The following GLIS3 variants were observed in gnomAD, a reference collection of about 807,000 sequenced individuals.
GLIS3 encodes zinc finger protein GLIS3.
In GLIS3, 53 loss-of-function variants were observed where a neutral mutation model predicts 78.6. The ratio of observed to expected loss-of-function variants is 0.67; its 90% confidence interval spans 0.54 to 0.85. GLIS3 has a LOEUF of 0.85. GLIS3 is among the 40% of genes least tolerant of loss of function. GLIS3 has a pLI of 0.00. For missense variants in GLIS3, 1,703 were observed against 1,231.1 expected (o/e 1.38, Z -5.74); for synonymous variants, 684 against 509.9 (o/e 1.34, Z -4.60).
chr9:3,939,584 T>C (rs1366244722), intron 4 of GLIS3, among the ~76,000 whole-genome samples: 1 of 152,146 alleles, frequency 6.6e-6, no homozygotes, highest in Admixed American at 6.5e-5. Flanking sequence ...GAGGAAAATA[T>C]AGGCACCTAG....
At chr9:4,171,116 A>T (rs1350767025) in intron 2 of GLIS3, among the ~76,000 whole-genome samples, 1 of 152,198 alleles carries the variant, frequency 6.6e-6, no homozygotes, top group Non-Finnish European at 1.5e-5. Flanking sequence ...TATTTAGAAT[A>T]CCAGACATTC....
intron 4 of GLIS3, among the ~76,000 whole-genome samples, chr9:4,046,565 AATACG>A (rs1225462255): frequency 6.6e-6 from 1 of 152,202 alleles, no homozygotes; most frequent in Non-Finnish European, 1.5e-5. Context: ...CAATGAAGCT[AATACG>A]ATAAGTTGTA....
intron 1 of GLIS3, 24 bp downstream of exon 1, chr9:4,299,397 A>T (rs956076366): frequency 2.6e-5 from 4 of 152,314 alleles, no homozygotes; most frequent in Non-Finnish European, 4.4e-5. Context: ...GCCTGCGAGC[A>T]AAGTTCCTAT....
intron 2 of GLIS3, among the ~76,000 whole-genome samples, chr9:4,193,451 G>A (rs899021369): frequency 6.6e-6 from 1 of 152,202 alleles, no homozygotes; most frequent in Non-Finnish European, 1.5e-5. Flanking sequence ...TACAGAAAAG[G>A]TTTGCAGACT....
At chr9:4,426,883 GA>G in the GLIS3 span, among the ~76,000 whole-genome samples, 1 of 152,194 alleles carries the variant, frequency 6.6e-6, no homozygotes, top group Non-Finnish European at 1.5e-5. Context: ...CTGGCACACT[GA>G]AAGCATCTGA....
chr9:3,858,843 A>T (rs192043444), intron 8 of GLIS3, among the ~76,000 whole-genome samples: 1 of 152,326 alleles, frequency 6.6e-6, no homozygotes. Flanking sequence ...CCAGCATAAG[A>T]AGTAAGTGTA....
chr9:4,049,625 A>C (rs1026643919), intron 4 of GLIS3, among the ~76,000 whole-genome samples: 2 of 152,178 alleles, frequency 1.3e-5, no homozygotes, highest in African/African-American at 4.8e-5. Flanking sequence ...CCTGCATAAG[A>C]ATCTTCGGAG....
the GLIS3 span, among the ~76,000 whole-genome samples, chr9:4,451,413 C>T: frequency 0.011 from 1,679 of 152,232 alleles, 24 homozygotes; most frequent in African/African-American, 0.039. Flanking sequence ...GTATTTAACA[C>T]CCCACTGTCA....
At chr9:4,092,784 A>C (rs1829633627) in intron 4 of GLIS3, among the ~76,000 whole-genome samples, 1 of 152,246 alleles carries the variant, frequency 6.6e-6, no homozygotes, top group African/African-American at 2.4e-5. Flanking sequence ...AAACAGAAGG[A>C]AAGCACTCTA....
chr9:4,239,617 A>G (rs1162990651), intron 2 of GLIS3, among the ~76,000 whole-genome samples: 1 of 152,248 alleles, frequency 6.6e-6, no homozygotes, highest in East Asian at 1.9e-4. Context: ...TCAATGTAAC[A>G]GAAGGTCTAC....
At chr9:4,105,845 C>T (rs983334800) in intron 4 of GLIS3, among the ~76,000 whole-genome samples, 1 of 152,078 alleles carries the variant, frequency 6.6e-6, no homozygotes, top group Non-Finnish European at 1.5e-5. Context: ...CTGGCCTTTC[C>T]AGGACACACA....
chr9:4,009,543 G>C (rs1305973107), intron 4 of GLIS3, among the ~76,000 whole-genome samples: 1 of 152,188 alleles, frequency 6.6e-6, no homozygotes, highest in Admixed American at 6.5e-5. Flanking sequence ...CTGGGGGAAG[G>C]AGGCAGCAGC....
chr9:3,866,424 G>A (rs1037509295), intron 8 of GLIS3, among the ~76,000 whole-genome samples: 1 of 152,194 alleles, frequency 6.6e-6, no homozygotes, highest in Non-Finnish European at 1.5e-5. Flanking sequence ...TCACGCCACT[G>A]CACTCCAGCC....
intron 4 of GLIS3, among the ~76,000 whole-genome samples, chr9:4,066,113 G>A (rs1208783080): frequency 6.7e-6 from 1 of 149,796 alleles, no homozygotes; most frequent in Non-Finnish European, 1.5e-5. Flanking sequence ...CACATGTCAA[G>A]CCATTTCTAT....
intron 2 of GLIS3, among the ~76,000 whole-genome samples, chr9:4,223,424 C>T (rs543576510): frequency 3.1e-4 from 47 of 152,296 alleles, no homozygotes; most frequent in African/African-American, 1.0e-3. Context: ...AAGACTCAAT[C>T]GGATTGCCTC....
At chr9:3,991,708 T>TTTTTTTTTTTTTTTTTTTTTTTTTTTA in intron 4 of GLIS3, among the ~76,000 whole-genome samples, 1 of 80,288 alleles carries the variant, frequency 1.2e-5, no homozygotes, top group South Asian at 4.4e-4. Flanking sequence ...TTTTTTTTTT[T>TTTTTTTTTTTTTTTTTTTTTTTTTTTA]GAGACGGAGT....
chr9:4,329,561 A>G (rs953533112), intron 2 of GLIS3, among the ~76,000 whole-genome samples: 5 of 152,312 alleles, frequency 3.3e-5, no homozygotes, highest in South Asian at 2.1e-4. Flanking sequence ...GAAAGCATTT[A>G]ATAAGAATGT....
At chr9:4,261,607 A>C (rs1825535876) in intron 2 of GLIS3, among the ~76,000 whole-genome samples, 1 of 152,134 alleles carries the variant, frequency 6.6e-6, no homozygotes, top group African/African-American at 2.4e-5. Flanking sequence ...CAAGAGGGTT[A>C]CTCTACTCAG....
At chr9:3,901,450 C>T (rs1294452289) in intron 6 of GLIS3, among the ~76,000 whole-genome samples, 15 of 152,216 alleles carry the variant, frequency 9.9e-5, no homozygotes, top group Admixed American at 9.8e-4. Context: ...TGGAAATTGG[C>T]AATTCTACAA....
Sources: gnomAD v4.1 joint callset for allele counts (sites outside exome capture counted in the v4.1 genomes callset) on GRCh38, gnomAD v4.1.1 for gene constraint, MANE v1.5 for transcripts, NCBI Gene and HGNC (gene_info 2026-07-23, HGNC 2026-07-21) for gene names.